The following CEP85L variants were observed in gnomAD, a reference collection of about 807,000 sequenced individuals.
CEP85L encodes the protein centrosomal protein of 85 kDa-like.
A neutral mutation model predicts 100.3 loss-of-function variants in CEP85L; 60 were observed. The ratio of observed to expected loss-of-function variants is 0.60; its 90% confidence interval spans 0.49 to 0.74. The LOEUF (loss-of-function observed/expected upper bound fraction) is 0.74, where lower values mean the gene tolerates loss of function less well. CEP85L is among the 30% of genes least tolerant of loss of function. CEP85L has a pLI of 0.00. For missense variants in CEP85L, 973 were observed against 936.2 expected, an observed-to-expected ratio of 1.04 and a Z score of -0.51; for synonymous variants, 319 against 322.7, an observed-to-expected ratio of 0.99 and a Z score of 0.12.
At chr6:118,619,395 C>T (rs1402221507) in intron 2 of CEP85L, among the ~76,000 whole-genome samples, 3 of 152,116 alleles carry the variant, frequency 2.0e-5, no homozygotes, top group African/African-American at 7.2e-5. Flanking sequence ...GGAGTGAAAT[C>T]CCTTATGTAC....
chr6:118,663,131 G>C (rs1383427791), intron 1 of CEP85L, among the ~76,000 whole-genome samples: 3 of 151,934 alleles, frequency 2.0e-5, no homozygotes, highest in African/African-American at 7.3e-5. Context: ...TTTGGTGAAG[G>C]TTTGGAGAAA....
At chr6:118,623,518 A>G (rs917464876) in intron 2 of CEP85L, among the ~76,000 whole-genome samples, 1 of 152,230 alleles carries the variant, frequency 6.6e-6, no homozygotes, top group Non-Finnish European at 1.5e-5. Context: ...TAGGAATACA[A>G]TATCACCTTC....
intron 2 of CEP85L, among the ~76,000 whole-genome samples, chr6:118,568,235 A>G (rs1188497357): frequency 6.6e-6 from 1 of 152,234 alleles, no homozygotes; most frequent in East Asian, 1.9e-4. Flanking sequence ...TAGACAGCTT[A>G]GTGGTGGAAG....
chr6:118,700,833 G>T (rs1777381382), intron 1 of CEP85L, among the ~76,000 whole-genome samples: 1 of 152,160 alleles, frequency 6.6e-6, no homozygotes, highest in South Asian at 2.1e-4. Context: ...TGTGAAATTG[G>T]CCTCAAGAGT....
chr6:118,515,101 GC>G (rs1393780019), intron 4 of CEP85L, among the ~76,000 whole-genome samples: 1 of 151,866 alleles, frequency 6.6e-6, no homozygotes, highest in East Asian at 1.9e-4. Flanking sequence ...GCGCCAACTT[GC>G]CAGGCCAAAA....
In CEP85L at chr6:118,464,574, C is replaced by T. The variant is rs973695016; in HGVS notation, c.*831G>A. ...CAATGCCTTTATTAATTATATATGG[C>T]TTTGTTTACATTTATATATGTATAT... On this transcript the variant is annotated 3_prime_UTR_variant, in exon 13 of 13. Coordinates refer to ENST00000368491, the MANE Select transcript of CEP85L (RefSeq NM_001042475.3). The T allele has an allele frequency of 5.3e-5, 8 of 151,760 alleles. No homozygotes were observed. In the South Asian group the frequency reaches 6.2e-4, roughly 12 times the overall value. 9.4% of individuals were successfully genotyped at this position (151,760 alleles called of 1,614,324 possible). A position where few individuals can be genotyped will look rare whatever the true frequency, so the allele number is the denominator to read the frequency against.
At chr6:118,469,328 T>A (rs773651202) in intron 11 of CEP85L, 25 bp from the exon 12 acceptor site, 2 of 1,561,132 alleles carry the variant, frequency 1.3e-6, no homozygotes. Context: ...AAAACAAACA[T>A]CAGATTGTTA....
chr6:118,555,976 T>C (rs528858638), intron 3 of CEP85L, among the ~76,000 whole-genome samples: 3 of 152,342 alleles, frequency 2.0e-5, no homozygotes, highest in African/African-American at 4.8e-5. Flanking sequence ...GCAAAAGACA[T>C]GATATCATTC....
At chr6:118,586,791 T>C (rs1780888761) in intron 2 of CEP85L, among the ~76,000 whole-genome samples, 1 of 152,224 alleles carries the variant, frequency 6.6e-6, no homozygotes, top group African/African-American at 2.4e-5. Context: ...TATCAGAACT[T>C]CTTTTTGGTG....
intron 3 of CEP85L, among the ~76,000 whole-genome samples, chr6:118,552,939 A>C (rs1364488003): frequency 1.3e-5 from 2 of 151,996 alleles, no homozygotes; most frequent in African/African-American, 4.8e-5. Context: ...CCTAGAAGAC[A>C]ATTTGATTTT....
chr6:118,555,879 C>A (rs1778837738), intron 3 of CEP85L, among the ~76,000 whole-genome samples: 1 of 149,988 alleles, frequency 6.7e-6, no homozygotes, highest in Non-Finnish European at 1.5e-5. Flanking sequence ...CTTGCTCCCA[C>A]CTGTAAGTGA....
chr6:118,648,025 CG>C (rs2115374401), intron 1 of CEP85L, among the ~76,000 whole-genome samples: 1 of 150,506 alleles, frequency 6.6e-6, no homozygotes, highest in Admixed American at 6.6e-5. Flanking sequence ...AGGCTGAGGC[CG>C]GTGGATCACT....
In CEP85L at chr6:118,565,948, G is replaced by A. The variant is rs962954075; in HGVS notation, c.601C>T (p.Pro201Ser). 3 of 1,613,926 alleles carry A rather than the reference G, an allele frequency of 1.9e-6. No individual in the cohort carries two copies. The highest frequency in any genetic ancestry group is 2.7e-5 in the African/African-American group (2 of 74,888). Reference sequence around the variant, plus strand: ...TCCATACTATCATGTAAACAGCTAGGCCCAATTGTCCTCAGTTGTGATGTT... The same window carrying A: ...TCCATACTATCATGTAAACAGCTAGACCCAATTGTCCTCAGTTGTGATGTT... Reference protein sequence around the residue: ...ALTSQLRTIGPSCLHDSMEML... With the variant: ...ALTSQLRTIGSSCLHDSMEML... The change falls in exon 3 of 13, where the codon CCT becomes TCT. Residue 201 changes from proline (P) to serine (S), a missense_variant. Coordinates refer to ENST00000368491, the MANE Select transcript of CEP85L (RefSeq NM_001042475.3).
At position 118,566,122 on chromosome 6, in the gene CEP85L, A is replaced by C. The variant is rs1368123818; in HGVS notation, c.427T>G (p.Ser143Ala). The part of the protein sequence containing the change: ...LGNHSRGEQD[S>A]SLDMKDFRPL... ...CGGAAGTCCTTCATGTCTAGGGAAGAGTCCTGCTCCCCCCTACTGTGGTTT... is the reference window on the plus strand; with the variant it reads ...CGGAAGTCCTTCATGTCTAGGGAAGCGTCCTGCTCCCCCCTACTGTGGTTT... Residue 143 changes from serine to alanine, a missense_variant, in exon 3 of 13, where the codon TCT (serine) becomes GCT (alanine). Ser to Ala is a moderately conservative substitution (Grantham distance 99). Around this residue, in one of 3 missense-constraint regions of CEP85L, gnomAD observed 890 missense variants for 844.5 expected, o/e 1.05. Transcript: ENST00000368491. 1 of 1,614,156 alleles carries C rather than the reference A, an allele frequency of 6.2e-7. No homozygotes were observed. The highest frequency in any genetic ancestry group is 1.1e-5 in the South Asian group (1 of 91,084).
intron 1 of CEP85L, among the ~76,000 whole-genome samples, chr6:118,668,743 A>G (rs940961799): frequency 1.1e-4 from 17 of 152,220 alleles, no homozygotes; most frequent in African/African-American, 3.4e-4. Context: ...CAAAATTAAG[A>G]TGGGAAATAA....
intron 1 of CEP85L, among the ~76,000 whole-genome samples, chr6:118,669,444 C>T (rs920437830): frequency 2.0e-5 from 3 of 152,208 alleles, no homozygotes; most frequent in Non-Finnish European, 4.4e-5. Flanking sequence ...CTACCCACCC[C>T]CTTGCCCTTC....
intron 2 of CEP85L, among the ~76,000 whole-genome samples, chr6:118,607,353 C>A (rs1267638600): frequency 1.3e-5 from 2 of 152,098 alleles, no homozygotes; most frequent in African/African-American, 4.8e-5. Context: ...CAGAGAAAGA[C>A]CCACCCATTG....
chr6:118,546,851 T>C (rs1311928021), intron 3 of CEP85L, among the ~76,000 whole-genome samples: 1 of 152,178 alleles, frequency 6.6e-6, no homozygotes, highest in African/African-American at 2.4e-5. Context: ...ATTCTGCAAT[T>C]TCCTTAACTT....
intron 1 of CEP85L, among the ~76,000 whole-genome samples, chr6:118,659,864 G>A (rs976089765): frequency 5.9e-5 from 9 of 152,236 alleles, no homozygotes; most frequent in Admixed American, 4.6e-4. Flanking sequence ...TCCTGGGCCT[G>A]CCGCCGTCCT....
Sources: gnomAD v4.1 joint callset for allele counts (sites outside exome capture counted in the v4.1 genomes callset) on GRCh38, gnomAD v4.1.1 for gene constraint, gnomAD v4.1.1 regional missense constraint, MANE v1.5 for transcripts, NCBI Gene and HGNC (gene_info 2026-07-23, HGNC 2026-07-21) for gene names.